The following PPP1R13B variants were observed in gnomAD, a reference collection of about 807,000 sequenced individuals.
PPP1R13B encodes the protein apoptosis-stimulating of p53 protein 1.
A neutral mutation model predicts 119.8 loss-of-function variants in PPP1R13B; 44 were observed. That is an observed-to-expected ratio of 0.37 (90% CI 0.29 to 0.47). PPP1R13B has a LOEUF of 0.47. PPP1R13B is among the 20% of genes least tolerant of loss of function. The pLI is 0.99. For synonymous variants in PPP1R13B, 542 were observed against 561.5 expected (o/e 0.97, Z 0.49); for missense variants, 1,227 against 1,413.5 (o/e 0.87, Z 2.12).
At position 103,834,268 on chromosome 14, in the gene PPP1R13B, T is replaced by G. The variant is rs150816397; in HGVS notation, c.9+13031A>C. Among the ~76,000 whole-genome samples the G allele has an allele frequency of 5.6e-3, 857 of 152,180 alleles. 8 individuals are homozygous for G. The highest frequency in any genetic ancestry group is 0.02 in the African/African-American group (815 of 41,524). ...GCACACGCCTGTGGTCCCAGCTGCT[T>G]GGGAGGCTGAGGCACGAGAATCACT... On this transcript the variant is annotated intron_variant, in intron 1 of 16. Transcript: ENST00000202556.
chr14:103,765,986 T>TTCA (rs1555436562), intron 4 of PPP1R13B, among the ~76,000 whole-genome samples: 1 of 139,076 alleles, frequency 7.2e-6, no homozygotes, highest in Non-Finnish European at 1.5e-5. Flanking sequence ...AAATTTTTAT[T>TTCA]TTATTATTAT....
chr14:103,839,311 C>CTGTGTTT (rs1160682872), intron 1 of PPP1R13B, among the ~76,000 whole-genome samples: 1 of 151,980 alleles, frequency 6.6e-6, no homozygotes, highest in Non-Finnish European at 1.5e-5. Context: ...AGCACCCAGC[C>CTGTGTTT]CACTGTGTTT....
chr14:103,761,346 A>G (rs115260555), intron 4 of PPP1R13B, among the ~76,000 whole-genome samples: 1 of 151,868 alleles, frequency 6.6e-6, no homozygotes, highest in Non-Finnish European at 1.5e-5. Context: ...AATTTTACCT[A>G]TGAACAGAGG....
intron 4 of PPP1R13B, chr14:103,764,094 G>C (rs1466620992): frequency 1.3e-5 from 2 of 153,850 alleles, no homozygotes; most frequent in African/African-American, 4.8e-5. Context: ...ATAGAAGTCT[G>C]TGCGAGCAGA....
chr14:103,766,799 G>T (rs2084949488), intron 4 of PPP1R13B, among the ~76,000 whole-genome samples: 1 of 151,988 alleles, frequency 6.6e-6, no homozygotes. Flanking sequence ...GTAGAGATGG[G>T]TTTCACCATG....
At chr14:103,735,250 C>T in intron 16 of PPP1R13B, 55 bp from the exon 17 acceptor site, 3 of 1,584,628 alleles carry the variant, frequency 1.9e-6, no homozygotes, top group Non-Finnish European at 2.6e-6. Context: ...GGAGCAGGGC[C>T]AGCCAGACCC....
At chr14:103,745,487 G>A (rs1024622201) in intron 9 of PPP1R13B, among the ~76,000 whole-genome samples, 2 of 152,214 alleles carry the variant, frequency 1.3e-5, no homozygotes, top group Non-Finnish European at 2.9e-5. Context: ...AAGTCTTATT[G>A]CAAGGAAGCC....
At chr14:103,847,093 G>A in intron 1 of PPP1R13B, 1 of 987,936 alleles carries the variant, frequency 1.0e-6, no homozygotes, top group Non-Finnish European at 1.2e-6. Context: ...GCCCGCAGGC[G>A]GCCCCGGCCC....
intron 2 of PPP1R13B, among the ~76,000 whole-genome samples, chr14:103,790,500 G>A (rs1225409006): frequency 6.6e-6 from 1 of 152,130 alleles, no homozygotes; most frequent in Non-Finnish European, 1.5e-5. Context: ...AGAGGCCCAA[G>A]ACATGGTGGC....
At chr14:103,798,707 T>C (rs2152042868) in intron 1 of PPP1R13B, among the ~76,000 whole-genome samples, 1 of 152,256 alleles carries the variant, frequency 6.6e-6, no homozygotes, top group East Asian at 1.9e-4. Flanking sequence ...AGCCTTACTT[T>C]ATTTTATTTT....
chr14:103,831,521 G>A (rs2086663685), intron 1 of PPP1R13B, among the ~76,000 whole-genome samples: 1 of 150,378 alleles, frequency 6.6e-6, no homozygotes, highest in Non-Finnish European at 1.5e-5. Flanking sequence ...ATGTTGGCCA[G>A]GCTAGTCTCT....
chr14:103,737,821 G>A lies in PPP1R13B; in HGVS notation c.2904C>T (p.His968=). 1.2e-6 allele frequency: 2 copies of A among 1,614,208 alleles called. No homozygotes were observed. The highest frequency in any genetic ancestry group is 1.7e-5 in the Admixed American group (1 of 60,026). ...CACTCTCCACCAGCTGTTTGCAGAG[G>A]TGAACGCTGTTACAAGAGGCAGCGC... is the stretch of plus-strand genomic sequence containing the variant. ...LHCAASCNSV[H]LCKQLVESGA... The change falls in exon 15 of 17, where the codon CAC becomes CAT. Residue 968 remains histidine, a synonymous_variant. Coordinates refer to ENST00000202556, the MANE Select transcript of PPP1R13B (RefSeq NM_015316.3).
chr14:103,786,443 G>A (rs1287250026), intron 2 of PPP1R13B, among the ~76,000 whole-genome samples: 1 of 152,096 alleles, frequency 6.6e-6, no homozygotes, highest in African/African-American at 2.4e-5. Flanking sequence ...TCTGTGAACT[G>A]TCTCAGGTAT....
At chr14:103,789,606 C>T (rs558038973) in intron 2 of PPP1R13B, among the ~76,000 whole-genome samples, 30 of 151,992 alleles carry the variant, frequency 2.0e-4, no homozygotes, top group African/African-American at 6.0e-4. Context: ...CTCTGTCTCC[C>T]GGGTTCAAGC....
chr14:103,770,448 G>A (rs1415699200), intron 4 of PPP1R13B, among the ~76,000 whole-genome samples: 1 of 152,086 alleles, frequency 6.6e-6, no homozygotes. Flanking sequence ...CTGGGAGGCA[G>A]AGGTTGCAGT....
chr14:103,758,921 T>A (rs1346059250), intron 4 of PPP1R13B, among the ~76,000 whole-genome samples: 1 of 152,190 alleles, frequency 6.6e-6, no homozygotes, highest in Non-Finnish European at 1.5e-5. Context: ...TTGAGCACAT[T>A]CTTGACTCTT....
At chr14:103,761,654 T>G (rs936186852) in intron 4 of PPP1R13B, among the ~76,000 whole-genome samples, 1 of 151,270 alleles carries the variant, frequency 6.6e-6, no homozygotes, top group African/African-American at 2.4e-5. Context: ...TCCCAGCTAC[T>G]CGGGAGGCTG....
Position 103,802,585 on chromosome 14 carries a change from G to C in PPP1R13B, c.10-5067C>G, listed in dbSNP as rs147238786. ...AACATTTGCACAATCATTGCCTCAT[G>C]AATATAGCACGCGTAAAGCAGTACC... On this transcript the variant is annotated intron_variant, in intron 1 of 16. Transcript: ENST00000202556. Among the ~76,000 whole-genome samples the C allele has an allele frequency of 1.7e-4, 26 of 152,280 alleles. No individual in the cohort carries two copies. In the East Asian group the frequency reaches 4.4e-3, roughly 26 times the overall value.
At chr14:103,783,057 C>T (rs1296305511) in intron 3 of PPP1R13B, among the ~76,000 whole-genome samples, 4 of 151,880 alleles carry the variant, frequency 2.6e-5, no homozygotes, top group Non-Finnish European at 5.9e-5. Flanking sequence ...CCACCCCACT[C>T]GGCCTCCCAA....
Sources: allele counts gnomAD v4.1 joint callset (sites outside exome capture counted in the v4.1 genomes callset), GRCh38; gene constraint gnomAD v4.1.1; transcripts MANE v1.5; gene names NCBI Gene and HGNC (gene_info 2026-07-23, HGNC 2026-07-21).